The following CSMD1 variants were observed in gnomAD, a reference collection of about 807,000 sequenced individuals.
CSMD1 encodes CUB and Sushi multiple domains 1.
CSMD1 carries 213 observed loss-of-function variants against 417.5 expected under a neutral mutation model. The observed-to-expected ratio is 0.51, with a 90% CI of 0.46 to 0.57. CSMD1 has a LOEUF of 0.57. Ranked by LOEUF, CSMD1 falls within the 20% of genes least tolerant of loss-of-function variation. CSMD1 has a pLI of 0.00. For missense variants in CSMD1, 6,923 were observed against 4,529.7 expected (o/e 1.53, Z -15.17); for synonymous variants, 2,862 against 1,736.8 (o/e 1.65, Z -16.11).
At chr8:3,685,396 G>C (rs975459270) in intron 7 of CSMD1, among the ~76,000 whole-genome samples, 9 of 152,248 alleles carry the variant, frequency 5.9e-5, no homozygotes, top group South Asian at 2.1e-4. Context: ...GGGTCCTGCT[G>C]CTCACTGCAC....
intron 26 of CSMD1, among the ~76,000 whole-genome samples, chr8:3,243,695 G>C (rs1202977442): frequency 2.6e-5 from 4 of 151,494 alleles, no homozygotes; most frequent in African/African-American, 9.7e-5. Flanking sequence ...GCTTAGCTTG[G>C]GCTCACAGGC....
At chr8:3,432,774 A>G (rs1279249905) in intron 12 of CSMD1, among the ~76,000 whole-genome samples, 1 of 152,148 alleles carries the variant, frequency 6.6e-6, no homozygotes, top group African/African-American at 2.4e-5. Flanking sequence ...TTGGCCTCCC[A>G]AAGTCCTGGG....
intron 3 of CSMD1, among the ~76,000 whole-genome samples, chr8:4,142,678 G>A (rs1301758264): frequency 6.6e-6 from 1 of 151,056 alleles, no homozygotes; most frequent in Admixed American, 6.6e-5. Flanking sequence ...TGGCTTCTTT[G>A]CAGTTATTGG....
intron 54 of CSMD1, among the ~76,000 whole-genome samples, chr8:2,995,357 T>A (rs138431905): frequency 2.5e-3 from 388 of 152,224 alleles, no homozygotes; most frequent in Non-Finnish European, 2.4e-3. Flanking sequence ...TCACCACACA[T>A]CTATCAAGAA....
At chr8:3,715,091 AT>A (rs1315084438) in intron 6 of CSMD1, among the ~76,000 whole-genome samples, 3 of 152,120 alleles carry the variant, frequency 2.0e-5, no homozygotes, top group South Asian at 2.1e-4. Flanking sequence ...TCTTCATTAG[AT>A]TTTTTTGTGT....
At chr8:4,977,878 A>C (rs1005970391) in intron 1 of CSMD1, among the ~76,000 whole-genome samples, 1 of 152,212 alleles carries the variant, frequency 6.6e-6, no homozygotes, top group Non-Finnish European at 1.5e-5. Context: ...ACCCATCATC[A>C]ATACTTAATC....
intron 2 of CSMD1, among the ~76,000 whole-genome samples, chr8:4,631,278 C>G (rs1009339555): frequency 6.6e-6 from 1 of 152,256 alleles, no homozygotes; most frequent in East Asian, 1.9e-4. Flanking sequence ...AGGAGAATCG[C>G]TGGAACCTGG....
chr8:4,012,321 G>A (rs375287982), intron 4 of CSMD1, among the ~76,000 whole-genome samples: 12 of 151,886 alleles, frequency 7.9e-5, no homozygotes, highest in African/African-American at 2.9e-4. Context: ...TCCTTGGTAG[G>A]GTGTCCAAGA....
rs370068731 is a variant in CSMD1, at chr8:3,189,031, G to C, written c.5399-20C>G. 4 of 1,603,430 alleles carry C rather than the reference G, an allele frequency of 2.5e-6. No homozygotes were observed. The African/African-American group carries it at 5.4e-5, about 21-fold the overall frequency. On this transcript the variant is annotated intron_variant, in intron 34 of 69. Transcript: ENST00000635120. Reference sequence around the variant, plus strand: ...AGGGTACTAAAAGACACAACCATATGTCATGAAATAAAGTGCTGTGGGACA... The same window carrying C: ...AGGGTACTAAAAGACACAACCATATCTCATGAAATAAAGTGCTGTGGGACA...
chr8:4,165,110 A>G (rs1482238139), intron 3 of CSMD1, among the ~76,000 whole-genome samples: 1 of 152,126 alleles, frequency 6.6e-6, no homozygotes, highest in Non-Finnish European at 1.5e-5. Context: ...CTAAGAATTC[A>G]TGTGCTGGTG....
intron 3 of CSMD1, among the ~76,000 whole-genome samples, chr8:4,066,706 G>C (rs1288891058): frequency 1.3e-5 from 2 of 152,034 alleles, no homozygotes; most frequent in Non-Finnish European, 2.9e-5. Flanking sequence ...TTAGATGATA[G>C]TATATTTTGT....
intron 5 of CSMD1, among the ~76,000 whole-genome samples, chr8:3,766,513 T>C (rs952114999): frequency 2.6e-5 from 4 of 152,228 alleles, no homozygotes; most frequent in Non-Finnish European, 5.9e-5. Context: ...TTGCCTCCTA[T>C]AATACTTGGA....
intron 7 of CSMD1, among the ~76,000 whole-genome samples, chr8:3,680,706 G>C (rs1459919847): frequency 6.6e-6 from 1 of 152,124 alleles, no homozygotes; most frequent in Non-Finnish European, 1.5e-5. Flanking sequence ...ACATCATCCT[G>C]ATACCAAAGC....
At chr8:3,074,269 G>A (rs535539204) in intron 49 of CSMD1, among the ~76,000 whole-genome samples, 8 of 152,138 alleles carry the variant, frequency 5.3e-5, no homozygotes, top group Non-Finnish European at 1.0e-4. Flanking sequence ...TCTCTGACCA[G>A]TAAGAACTCT....
At chr8:4,214,016 T>C (rs552488601) in intron 3 of CSMD1, among the ~76,000 whole-genome samples, 156 of 152,304 alleles carry the variant, frequency 1.0e-3, no homozygotes, top group Middle Eastern at 6.8e-3. Context: ...GTTCTGACGA[T>C]GTAAGTAACA....
chr8:4,740,811 C>G (rs1311404038), intron 1 of CSMD1, among the ~76,000 whole-genome samples: 4 of 152,132 alleles, frequency 2.6e-5, no homozygotes, highest in Non-Finnish European at 5.9e-5. Flanking sequence ...TATAGGATAT[C>G]CTACTGAAGT....
intron 1 of CSMD1, among the ~76,000 whole-genome samples, chr8:4,663,298 G>A (rs550037229): frequency 6.0e-4 from 91 of 152,270 alleles, no homozygotes; most frequent in Middle Eastern, 3.4e-3. Context: ...AGCAAACATT[G>A]GACAAAGCCC....
Position 4,176,577 on chromosome 8 carries a change from C to G in CSMD1, c.416-144478G>C, listed in dbSNP as rs373296843. On this transcript the variant is annotated intron_variant, in intron 3 of 69. Transcript: ENST00000635120. ...ACCCCATTTTGGCAGTAGAAGTACC[C>G]TCTAGTAGAAGGGACATAGGAGTAG... Among the ~76,000 whole-genome samples the G allele has an allele frequency of 2.9e-3, 442 of 151,052 alleles. 1 individual carries two copies. Among genetic ancestry groups the G allele is most frequent in the Admixed American group, 6.7e-3 (101 of 15,130 alleles).
At chr8:4,581,410 T>A (rs1197502045) in intron 2 of CSMD1, among the ~76,000 whole-genome samples, 1 of 152,186 alleles carries the variant, frequency 6.6e-6, no homozygotes, top group Non-Finnish European at 1.5e-5. Flanking sequence ...TGACTCCAAT[T>A]TTTATCTTTT....
Sources: gnomAD v4.1 joint callset for allele counts (sites outside exome capture counted in the v4.1 genomes callset) on GRCh38, gnomAD v4.1.1 for gene constraint, MANE v1.5 for transcripts, NCBI Gene and HGNC (gene_info 2026-07-23, HGNC 2026-07-21) for gene names.